MTSS1: variants seen among roughly 807,000 people sequenced by gnomAD.
MTSS1 encodes MTSS I-BAR domain containing 1, also known as protein MTSS 1.
A neutral mutation model predicts 79.0 loss-of-function variants in MTSS1; 18 were observed. The ratio of observed to expected loss-of-function variants is 0.23; its 90% CI spans 0.16 to 0.34. The LOEUF (loss-of-function observed/expected upper bound fraction) is 0.34, where lower values mean the gene tolerates loss of function less well. MTSS1 is among the 10% of genes least tolerant of loss of function. The pLI is 1.00. For synonymous variants in MTSS1, 341 were observed against 368.6 expected, an observed-to-expected ratio of 0.93 and a Z score of 0.86; for missense variants, 815 against 986.2, an observed-to-expected ratio of 0.83 and a Z score of 2.33.
chr8:124,693,860 A>G (rs9643202), intron 3 of MTSS1, among the ~76,000 whole-genome samples: 54,715 of 152,110 alleles, frequency 0.36, 10,601 homozygotes, highest in Non-Finnish European at 0.41. Context: ...CATAGCTAAT[A>G]AGAACCAAGG....
intron 9 of MTSS1, chr8:124,564,687 T>TCACACACACACACACACACACACACA (rs372411002): frequency 2.5e-4 from 12 of 47,350 alleles, no homozygotes; most frequent in African/African-American, 3.6e-4. Context: ...GGTCTCTCTT[T>TCACACACACACACACACACACACACA]CACTCACACA....
In MTSS1 at chr8:124,665,793, G is replaced by A. The variant is rs552255651; in HGVS notation, c.208+33733C>T. Among the ~76,000 whole-genome samples, 106 of 151,996 alleles carry A rather than the reference G, an allele frequency of 7.0e-4. 2 individuals carry two copies. The highest frequency in any genetic ancestry group is 6.8e-3 in the Middle Eastern group (2 of 292). On this transcript the variant is annotated intron_variant, in intron 3 of 13. Coordinates refer to ENST00000518547, the MANE Select transcript of MTSS1 (RefSeq NM_014751.6). ...GAGGCAGGAGAATCACTTGAACCCC[G>A]GAGGCGGAGGTTGTGGTGAGCTGAG...
intron 3 of MTSS1, among the ~76,000 whole-genome samples, chr8:124,605,586 T>TCGCGCTGCCTCCCTCCCTGCC (rs879608604): frequency 4.8e-5 from 7 of 144,596 alleles, no homozygotes; most frequent in African/African-American, 2.0e-4. Flanking sequence ...CTCCCTGCCC[T>TCGCGCTGCCTCCCTCCCTGCC]CTCGCTGCCT....
chr8:124,590,913 G>C lies in MTSS1; in HGVS notation c.293+238C>G. Among the ~76,000 whole-genome samples the C allele has an allele frequency of 1.3e-5, 2 of 152,244 alleles. 1 individual carries two copies. Among genetic ancestry groups the C allele is most frequent in the Non-Finnish European group, 2.9e-5 (2 of 68,042 alleles). On this transcript the variant is annotated intron_variant, in intron 4 of 13. Coordinates refer to ENST00000518547, the MANE Select transcript of MTSS1 (RefSeq NM_014751.6). ...CTTGCACAGACAAAGGGTAAGGAGA[G>C]ACCCATGCAGGAGCACAGGCTCTGT... is the stretch of plus-strand genomic sequence containing the variant.
chr8:124,626,003 G>A (rs377063012), intron 3 of MTSS1, among the ~76,000 whole-genome samples: 130 of 142,952 alleles, frequency 9.1e-4, no homozygotes, highest in African/African-American at 3.2e-3. Context: ...TACGCAGCAG[G>A]AAACTGTGCA....
chr8:124,643,287 T>C (rs552082005), intron 3 of MTSS1, among the ~76,000 whole-genome samples: 6 of 152,278 alleles, frequency 3.9e-5, no homozygotes, highest in African/African-American at 1.4e-4. Flanking sequence ...TTTAGAATAC[T>C]GGAACTCTAC....
intron 5 of MTSS1, among the ~76,000 whole-genome samples, chr8:124,587,752 G>A (rs1018057341): frequency 2.6e-5 from 4 of 152,186 alleles, no homozygotes; most frequent in East Asian, 3.9e-4. Flanking sequence ...TGATCCACCC[G>A]CCTCGGCCTC....
intron 3 of MTSS1, among the ~76,000 whole-genome samples, chr8:124,674,170 G>A (rs1052109330): frequency 6.6e-5 from 10 of 151,888 alleles, no homozygotes; most frequent in Admixed American, 2.0e-4. Context: ...TCACTCGGTC[G>A]CCCAGGCTGG....
Position 124,727,511 on chromosome 8 carries a change from A to C in MTSS1, c.72+373T>G, listed in dbSNP as rs1833897541. ...GGCGCCCCCACCCCGTGCCCGGAGGAATCAGGTGTCCTCCCGGGCATCCAG... is the reference window on the plus strand; with the variant it reads ...GGCGCCCCCACCCCGTGCCCGGAGGCATCAGGTGTCCTCCCGGGCATCCAG... On this transcript the variant is annotated intron_variant, in intron 1 of 13. Coordinates refer to ENST00000518547, the MANE Select transcript of MTSS1 (RefSeq NM_014751.6). The surrounding 1 kb of genome is among the most constrained non-coding windows in gnomAD (Gnocchi z 4.7). 6.5e-6 allele frequency: 3 copies of C among 461,880 alleles called. No individual in the cohort carries two copies. The highest frequency in any genetic ancestry group is 1.3e-5 in the Non-Finnish European group (3 of 232,292). 28.6% of individuals were successfully genotyped at this position (461,880 alleles called of 1,614,324 possible).
At chr8:124,642,195 T>C (rs888579762) in intron 3 of MTSS1, among the ~76,000 whole-genome samples, 1 of 152,228 alleles carries the variant, frequency 6.6e-6, no homozygotes, top group African/African-American at 2.4e-5. Flanking sequence ...ATGCTTTCAA[T>C]TGTGGATGTG....
chr8:124,602,268 C>T lies in MTSS1; in HGVS notation c.209-11033G>A, dbSNP rs111513133. Among the ~76,000 whole-genome samples the T allele has an allele frequency of 7.7e-3, 1,126 of 147,128 alleles. 17 individuals carry two copies. The highest frequency in any genetic ancestry group is 0.025 in the African/African-American group (963 of 38,776). ...AGGCTGGAGTGCAGTGGTGTGATCA[C>T]GGCTCACTGCAACCTCCGCCTCCTG... is the stretch of plus-strand genomic sequence containing the variant. On this transcript the variant is annotated intron_variant, in intron 3 of 13. Transcript: ENST00000518547.
intron 3 of MTSS1, among the ~76,000 whole-genome samples, chr8:124,617,654 AG>A (rs1812658722): frequency 6.6e-6 from 1 of 152,144 alleles, no homozygotes; most frequent in African/African-American, 2.4e-5. Context: ...CCCCACCACA[AG>A]CCCCTGGGCA....
intron 10 of MTSS1, among the ~76,000 whole-genome samples, chr8:124,561,915 A>G (rs1433863963): frequency 1.6e-5 from 2 of 125,734 alleles, no homozygotes; most frequent in East Asian, 2.0e-4. Context: ...AGGAAGGCAG[A>G]CAGAGGCCAC....
chr8:124,574,169 T>C (rs1442078726), intron 6 of MTSS1, among the ~76,000 whole-genome samples: 2 of 152,126 alleles, frequency 1.3e-5, no homozygotes, highest in African/African-American at 2.4e-5. Flanking sequence ...GGTCTCGAAC[T>C]CCTGACCTTA....
intron 1 of MTSS1, among the ~76,000 whole-genome samples, chr8:124,705,316 C>A (rs1355364086): frequency 6.6e-6 from 1 of 152,016 alleles, no homozygotes; most frequent in African/African-American, 2.4e-5. Context: ...ACTAAAAATA[C>A]AAAAATTAGC....
chr8:124,681,593 GC>G (rs753253112), intron 3 of MTSS1, among the ~76,000 whole-genome samples: 2 of 152,272 alleles, frequency 1.3e-5, no homozygotes, highest in Non-Finnish European at 2.9e-5. Context: ...TTCAAGACCA[GC>G]CTGGCCAACA....
chr8:124,590,904 G>A (rs1484163203), intron 4 of MTSS1, among the ~76,000 whole-genome samples: 1 of 152,242 alleles, frequency 6.6e-6, no homozygotes, highest in South Asian at 2.1e-4. Context: ...CAGACAAAGG[G>A]TAAGGAGAGA....
rs1448327689 is a variant in MTSS1, at chr8:124,683,253, T to A, written c.208+16273A>T. Among the ~76,000 whole-genome samples the A allele has an allele frequency of 1.3e-5, 2 of 151,996 alleles. No homozygotes were observed. Among genetic ancestry groups the A allele is most frequent in the African/African-American group, 2.4e-5 (1 of 41,376 alleles). On this transcript the variant is annotated intron_variant, in intron 3 of 13. Transcript: ENST00000518547. This position sits in a 1 kb window ranked among gnomAD's most constrained non-coding sequence, Gnocchi z 4.5. Reference sequence around the variant, plus strand: ...TTAAAAAGGAAGCAGCCCACAATTTTAAAAAAATGAAATTTAAAAAATGGA... The same window carrying A: ...TTAAAAAGGAAGCAGCCCACAATTTAAAAAAAATGAAATTTAAAAAATGGA...
chr8:124,629,505 C>CAAAAAA (rs982816199), intron 3 of MTSS1, among the ~76,000 whole-genome samples: 29 of 61,998 alleles, frequency 4.7e-4, no homozygotes, highest in African/African-American at 6.2e-4. Flanking sequence ...GACTCCGTCT[C>CAAAAAA]AAAAAAAAAA....
Sources: gnomAD v4.1 joint callset for allele counts (sites outside exome capture counted in the v4.1 genomes callset) on GRCh38, gnomAD v4.1.1 for gene constraint, Gnocchi (gnomAD v3.1) non-coding constraint, MANE v1.5 for transcripts, NCBI Gene and HGNC (gene_info 2026-07-23, HGNC 2026-07-21) for gene names.